CEP95: variants seen among roughly 807,000 people sequenced by gnomAD.
The protein encoded by CEP95 is centrosomal protein 95, also known as centrosomal protein of 95 kDa.
A neutral mutation model predicts 111.2 loss-of-function variants in CEP95; 98 were observed. That is an observed-to-expected ratio of 0.88 (90% CI 0.75 to 1.04). The LOEUF (loss-of-function observed/expected upper bound fraction) is 1.04, where lower values mean the gene tolerates loss of function less well. CEP95 is among the 50% of genes least tolerant of loss of function. CEP95 has a pLI of 0.00. For synonymous variants in CEP95, 323 were observed against 327.1 expected (o/e 0.99, Z 0.14); for missense variants, 1,027 against 977.2 (o/e 1.05, Z -0.68).
intron 12 of CEP95, 61 bp downstream of exon 12, chr17:64,529,488 A>T: frequency 6.5e-7 from 1 of 1,540,804 alleles, no homozygotes; most frequent in Middle Eastern, 1.7e-4. Context: ...CCTCAGCCAG[A>T]TGCTACCATG....
Position 64,525,995 on chromosome 17 carries a change from G to A in CEP95, c.1023-76G>A. ...AGACCAGAATGAAGTATTTGTTAAA[G>A]TACGTATTACAGTTATTTTAAACTA... On this transcript the variant is annotated intron_variant, in intron 9 of 19. Transcript: ENST00000556440. The A allele has an allele frequency of 4.6e-6, 7 of 1,524,820 alleles. No homozygotes were observed. In the South Asian group the frequency reaches 6.1e-5, roughly 13 times the overall value. 94.5% of individuals were successfully genotyped at this position (1,524,820 alleles called of 1,614,324 possible). A position where few individuals can be genotyped will look rare whatever the true frequency, so the allele number is the denominator to read the frequency against.
chr17:64,532,046 T>A lies in CEP95; in HGVS notation c.1672+24T>A, dbSNP rs377243790. The A allele has an allele frequency of 6.8e-5, 104 of 1,523,734 alleles. 1 individual carries two copies. In the Middle Eastern group the frequency reaches 7.0e-4, roughly 10 times the overall value. 94.4% of individuals were successfully genotyped at this position (1,523,734 alleles called of 1,614,324 possible). A position where few individuals can be genotyped will look rare whatever the true frequency, so the allele number is the denominator to read the frequency against. On this transcript the variant is annotated intron_variant, in intron 14 of 19. Transcript: ENST00000556440. Reference sequence around the variant, plus strand: ...AAGTAAGAACCACAGAATTGTACTTTATGGAAAACTGGCAACCTTTGAAAG... The same window carrying A: ...AAGTAAGAACCACAGAATTGTACTTAATGGAAAACTGGCAACCTTTGAAAG...
intron 19 of CEP95, 91 bp downstream of exon 19, chr17:64,537,203 CTG>C (rs782667383): frequency 1.2e-4 from 180 of 1,547,200 alleles, no homozygotes; most frequent in Non-Finnish European, 1.5e-4. Context: ...GAGCAATAGG[CTG>C]TATCATATAG....
chr17:64,510,143 A>T, intron 2 of CEP95, 30 bp from the exon 3 acceptor site: 1 of 1,353,950 alleles, frequency 7.4e-7, no homozygotes, highest in South Asian at 1.2e-5. Context: ...TCTCATGGAT[A>T]CAAAATTATG....
At chr17:64,507,173 A>T (rs925200541) in intron 1 of CEP95, 57 bp downstream of exon 1, 33 of 1,550,660 alleles carry the variant, frequency 2.1e-5, no homozygotes, top group Non-Finnish European at 2.7e-5. Context: ...ACCTCCAGGG[A>T]GGCCTCGGGC....
At chr17:64,524,339 C>T (rs973437874) in intron 8 of CEP95, among the ~76,000 whole-genome samples, 1 of 151,916 alleles carries the variant, frequency 6.6e-6, no homozygotes, top group Non-Finnish European at 1.5e-5. Context: ...GACAGAGTGT[C>T]GCTGTGTCGC....
intron 5 of CEP95, among the ~76,000 whole-genome samples, chr17:64,518,337 G>C (rs1568132789): frequency 1.3e-5 from 2 of 151,832 alleles, no homozygotes; most frequent in Admixed American, 6.6e-5. Context: ...CTCATATCTT[G>C]AGGCTAGATT....
At chr17:64,518,551 T>C (rs151109271) in intron 5 of CEP95, among the ~76,000 whole-genome samples, 1 of 152,364 alleles carries the variant, frequency 6.6e-6, no homozygotes, top group East Asian at 1.9e-4. Context: ...ACAGGTTTGA[T>C]TGCACTTCTT....
At chr17:64,524,182 T>A (rs1967606326) in intron 8 of CEP95, among the ~76,000 whole-genome samples, 5 of 152,244 alleles carry the variant, frequency 3.3e-5, no homozygotes, top group Non-Finnish European at 5.9e-5. Context: ...AATACTCTGT[T>A]TCTTGACCTG....
In CEP95 at chr17:64,522,869, A is replaced by G. The variant is rs781803433; in HGVS notation, c.883A>G (p.Thr295Ala). Residue 295 changes from threonine (T) to alanine (A), a missense_variant, in exon 8 of 20, where the codon ACT (threonine) becomes GCT (alanine). Transcript: ENST00000556440. ...TCACTGCTCCCCAGCCGTAAATTCT[A>G]CTGGAGAGCATACGGAATTTTCTGG... ...SSHCSPAVNS[T>A]GEHTEFSGDL... 4 of 1,611,994 alleles carry G rather than the reference A, an allele frequency of 2.5e-6. No individual in the cohort carries two copies. The highest frequency in any genetic ancestry group is 2.2e-5 in the East Asian group (1 of 44,842).
chr17:64,527,555 CTT>C (rs1555679369), intron 11 of CEP95, among the ~76,000 whole-genome samples: 1 of 152,086 alleles, frequency 6.6e-6, no homozygotes, highest in East Asian at 1.9e-4. Flanking sequence ...AAGTTGGCAT[CTT>C]TTCTTCTGAT....
At chr17:64,531,569 G>A (rs1968283342) in intron 13 of CEP95, among the ~76,000 whole-genome samples, 1 of 152,078 alleles carries the variant, frequency 6.6e-6, no homozygotes, top group African/African-American at 2.4e-5. Flanking sequence ...AAAAAGAGAA[G>A]TACATTGAAA....
At chr17:64,513,386 G>A (rs906034588) in intron 3 of CEP95, among the ~76,000 whole-genome samples, 1 of 152,088 alleles carries the variant, frequency 6.6e-6, no homozygotes, top group Non-Finnish European at 1.5e-5. Flanking sequence ...AGGTTGATTT[G>A]GAGTCCATTT....
intron 6 of CEP95, among the ~76,000 whole-genome samples, chr17:64,520,795 AAGACATGTCCATAAAAC>A (rs1180043334): frequency 2.6e-5 from 4 of 152,238 alleles, no homozygotes; most frequent in Non-Finnish European, 5.9e-5. Flanking sequence ...TATTCATACC[AAGACATGTCCATAAAAC>A]AGCCAGCATT....
chr17:64,507,525 A>T, intron 1 of CEP95: 1 of 1,116,418 alleles, frequency 9.0e-7, no homozygotes, highest in Non-Finnish European at 1.1e-6. Flanking sequence ...AAGATTTATT[A>T]TGCCCCTGCA....
rs782595778 is a variant in CEP95 at position 64,514,239 on chromosome 17, TG to T, written c.257-8del. The T allele has an allele frequency of 1.8e-6, 2 of 1,108,994 alleles. No individual in the cohort carries two copies. Among genetic ancestry groups the T allele is most frequent in the Non-Finnish European group, 2.7e-6 (2 of 749,332 alleles). The allele number at this position is 1,108,994 out of a possible 1,614,324, so 68.7% of individuals were successfully genotyped here. A position where few individuals can be genotyped will look rare whatever the true frequency, so the allele number is the denominator to read the frequency against. On this transcript the variant is annotated splice_region_variant and splice_polypyrimidine_tract_variant and intron_variant, in intron 3 of 19. Coordinates refer to ENST00000556440, the MANE Select transcript of CEP95 (RefSeq NM_138363.3). The stretch of plus-strand genomic sequence containing the variant: ...TAAATTTTTTAATAGCTCTATATTC[TG>T]TCTCCAGGAGAAAATATAGTGAAAG...
intron 11 of CEP95, 126 bp from the exon 12 acceptor site, chr17:64,529,162 C>A: frequency 1.3e-6 from 1 of 751,090 alleles, no homozygotes; most frequent in Non-Finnish European, 2.1e-6. Context: ...AAGTTAGTTA[C>A]AGGAGAGAGT....
chr17:64,537,588 G>C lies in CEP95; in HGVS notation c.2290-15G>C. 6.3e-7 allele frequency: 1 copy of C among 1,578,940 alleles called. No homozygotes were observed. The highest frequency in any genetic ancestry group is 8.6e-7 in the Non-Finnish European group (1 of 1,157,566). ...AATGCTGTGAACAGCGGGATGACAT[G>C]CCTTCTTTTTTCAGACATTACATAA... On this transcript the variant is annotated splice_polypyrimidine_tract_variant and intron_variant, in intron 19 of 19. Coordinates refer to ENST00000556440, the MANE Select transcript of CEP95 (RefSeq NM_138363.3).
chr17:64,526,156 G>A lies in CEP95; in HGVS notation c.1108G>A (p.Asp370Asn). The stretch of plus-strand genomic sequence containing the variant: ...GAGATTAACAGAACAAGAATTACAT[G>A]ATGTATCAGAAAAACTCTCTCAGCG... ...RKRLTEQELH[D>N]VSEKLSQRLS... Residue 370 changes from aspartate (D) to asparagine (N), a missense_variant, in exon 10 of 20, where the codon GAT (aspartate) becomes AAT (asparagine). Transcript: ENST00000556440. 6.2e-7 allele frequency: 1 copy of A among 1,613,206 alleles called. No homozygotes were observed. Among genetic ancestry groups the A allele is most frequent in the Non-Finnish European group, 8.5e-7 (1 of 1,179,632 alleles).
Sources: allele counts gnomAD v4.1 joint callset (sites outside exome capture counted in the v4.1 genomes callset), GRCh38; gene constraint gnomAD v4.1.1; transcripts MANE v1.5; gene names NCBI Gene and HGNC (gene_info 2026-07-23, HGNC 2026-07-21).